Variants in CEP63 observed in about 807,000 individuals in gnomAD.
CEP63 encodes the protein centrosomal protein of 63 kDa.
CEP63 carries 84 observed loss-of-function variants against 89.1 expected under a neutral mutation model. That is an observed-to-expected ratio of 0.94 (90% CI 0.79 to 1.13). The LOEUF (loss-of-function observed/expected upper bound fraction) is 1.13. Among genes scored for constraint, CEP63 ranks in the 50% most tolerant of loss-of-function variants. The probability of loss-of-function intolerance (pLI) is 0.00; values close to 1 mark genes in which losing one functional copy is unlikely to be tolerated. For synonymous variants in CEP63, 267 were observed against 272.5 expected, an observed-to-expected ratio of 0.98 and a Z score of 0.20; for missense variants, 838 against 813.3, an observed-to-expected ratio of 1.03 and a Z score of -0.37.
chr3:134,767,794 A>G, the CEP63 span, among the ~76,000 whole-genome samples: 2 of 152,196 alleles, frequency 1.3e-5, no homozygotes, highest in Non-Finnish European at 2.9e-5. Flanking sequence ...GCCAGGTGCC[A>G]TGCTCTGTTC....
In CEP63 at chr3:134,550,636, A is replaced by G. The variant is rs148282362; in HGVS notation, c.1380+376A>G. 1.8e-3 allele frequency among the ~76,000 whole-genome samples: 272 copies of G among 152,326 alleles called. 2 individuals are homozygous for G. Among genetic ancestry groups the G allele is most frequent in the African/African-American group, 6.3e-3 (263 of 41,576 alleles). ...CAGAGGTCTCTAAGAGAGAGTAGAA[A>G]CACGCTTGCTGTGGTTGAAACTAGA... On this transcript the variant is annotated intron_variant, in intron 11 of 14. Coordinates refer to ENST00000675561, the MANE Select transcript of CEP63 (RefSeq NM_001353108.3).
chr3:134,488,685 A>C (rs1042348774), intron 1 of CEP63, among the ~76,000 whole-genome samples: 1 of 152,142 alleles, frequency 6.6e-6, no homozygotes, highest in African/African-American at 2.4e-5. Flanking sequence ...GATATTTACA[A>C]AATGTGTTAT....
chr3:134,608,187 G>A, the CEP63 span: 2 of 1,169,094 alleles, frequency 1.7e-6, no homozygotes, highest in Admixed American at 7.6e-5. Context: ...CAGGAGTTGG[G>A]GAAGAGAACA....
chr3:134,485,864 C>T (rs990161083), upstream of CEP63: 2 of 456,378 alleles, frequency 4.4e-6, no homozygotes, highest in Non-Finnish European at 5.8e-6. Context: ...CAGCCTCGGC[C>T]GATGGGAATA....
At chr3:134,710,428 C>T in the CEP63 span, among the ~76,000 whole-genome samples, 2 of 152,216 alleles carry the variant, frequency 1.3e-5, no homozygotes, top group Admixed American at 6.5e-5. Context: ...AGGCTCACTG[C>T]AAGAAGCCCA....
In CEP63 at chr3:134,552,148, T is replaced by C. The variant is rs1031412617; in HGVS notation, c.1467+136T>C. On this transcript the variant is annotated intron_variant, in intron 12 of 14. Coordinates refer to ENST00000675561, the MANE Select transcript of CEP63 (RefSeq NM_001353108.3). ...GAAATTTTCTCAAAGAAAATGAAGG[T>C]AAAACAATACTGGAAGTGAGCAAAA... 2.0e-5 allele frequency: 11 copies of C among 556,282 alleles called. No homozygotes were observed. In the African/African-American group the frequency reaches 2.1e-4, roughly 11 times the overall value. 34.5% of individuals were successfully genotyped at this position (556,282 alleles called of 1,614,324 possible). A position where few individuals can be genotyped will look rare whatever the true frequency, so the allele number is the denominator to read the frequency against.
At chr3:134,777,443 A>G in the CEP63 span, among the ~76,000 whole-genome samples, 1 of 151,774 alleles carries the variant, frequency 6.6e-6, no homozygotes, top group Admixed American at 6.6e-5. Flanking sequence ...ATATATACTC[A>G]CCTCATTTTT....
intron 2 of CEP63, among the ~76,000 whole-genome samples, chr3:134,497,769 G>T (rs965797426): frequency 6.6e-6 from 1 of 151,938 alleles, no homozygotes; most frequent in African/African-American, 2.4e-5. Flanking sequence ...AGAGATAGGG[G>T]TCTAGTTTCA....
the CEP63 span, among the ~76,000 whole-genome samples, chr3:134,617,188 G>A: frequency 1.3e-5 from 2 of 152,164 alleles, no homozygotes; most frequent in Non-Finnish European, 2.9e-5. Context: ...GGATAAAGAG[G>A]AATATATCCT....
the CEP63 span, among the ~76,000 whole-genome samples, chr3:134,692,504 A>G: frequency 1.3e-5 from 2 of 152,126 alleles, no homozygotes; most frequent in Non-Finnish European, 2.9e-5. Context: ...AGATTCTTAT[A>G]TCTGCTTTTG....
the CEP63 span, among the ~76,000 whole-genome samples, chr3:134,764,250 G>A: frequency 6.6e-6 from 1 of 152,110 alleles, no homozygotes; most frequent in Non-Finnish European, 1.5e-5. Flanking sequence ...AGTTCAGGTT[G>A]GGTTTGCCCT....
chr3:134,635,253 T>C, the CEP63 span, among the ~76,000 whole-genome samples: 2 of 152,024 alleles, frequency 1.3e-5, no homozygotes, highest in Admixed American at 1.3e-4. Context: ...TCCCAGCACT[T>C]TGGGAGGCCG....
downstream of CEP63, among the ~76,000 whole-genome samples, chr3:134,577,294 A>G (rs987155947): frequency 9.2e-5 from 14 of 152,136 alleles, no homozygotes; most frequent in Admixed American, 7.9e-4. Flanking sequence ...GGTTAGGCAA[A>G]GCTTCTTTTT....
chr3:134,620,705 G>A, the CEP63 span: 6 of 1,402,546 alleles, frequency 4.3e-6, no homozygotes, highest in Non-Finnish European at 6.0e-6. Context: ...GCAGGGAATG[G>A]AAGCAAGGGA....
At chr3:134,607,808 C>T in the CEP63 span, 4 of 988,270 alleles carry the variant, frequency 4.0e-6, no homozygotes, top group African/African-American at 1.7e-5. Flanking sequence ...TCCTATACTG[C>T]CCCAGGGGAG....
At chr3:134,546,012 C>A in intron 7 of CEP63, 137 bp from the exon 8 acceptor site, 1 of 960,408 alleles carries the variant, frequency 1.0e-6, no homozygotes, top group Non-Finnish European at 1.6e-6. Context: ...TGTTACGTAA[C>A]TTATAGTCTG....
Position 134,503,485 on chromosome 3 carries a change from C to T in CEP63, c.45-3624C>T, listed in dbSNP as rs1013175392. Among the ~76,000 whole-genome samples, 18 of 152,100 alleles carry T rather than the reference C, an allele frequency of 1.2e-4. 1 individual carries two copies. Among genetic ancestry groups the T allele is most frequent in the Admixed American group, 1.3e-4 (2 of 15,264 alleles). On this transcript the variant is annotated intron_variant, in intron 2 of 14. Transcript: ENST00000675561. The stretch of plus-strand genomic sequence containing the variant: ...GTGCTAAAGAATGTGTATTCTGCAG[C>T]TGTTACATGAAATGTTCTATAAATG...
chr3:134,547,194 A>G (rs1312133122), intron 8 of CEP63, 141 bp from the exon 9 acceptor site: 8 of 733,742 alleles, frequency 1.1e-5, no homozygotes, highest in Admixed American at 2.2e-5. Flanking sequence ...TCCTCTCCCA[A>G]TATTCTTTTT....
chr3:134,703,147 T>C, the CEP63 span, among the ~76,000 whole-genome samples: 5 of 151,824 alleles, frequency 3.3e-5, no homozygotes, highest in Middle Eastern at 0.017. Context: ...TACAAAAAAA[T>C]TAGCCAGGCG....
Sources: gnomAD v4.1 joint callset for allele counts (sites outside exome capture counted in the v4.1 genomes callset) on GRCh38, gnomAD v4.1.1 for gene constraint, MANE v1.5 for transcripts, NCBI Gene and HGNC (gene_info 2026-07-23, HGNC 2026-07-21) for gene names.